The following PURG variants were observed in gnomAD, a reference collection of about 807,000 sequenced individuals.
PURG encodes the protein purine-rich element-binding protein gamma.
Under a neutral mutation model 24.3 loss-of-function variants are expected in PURG, and 3 were observed. The observed-to-expected ratio is 0.12, with a 90% CI of 0.06 to 0.32. PURG has a LOEUF of 0.32. Among genes scored for constraint, PURG ranks in the 10% least tolerant of loss-of-function variants. The pLI, the probability that PURG is intolerant of heterozygous loss-of-function variation, is 1.00. For synonymous variants in PURG, 180 were observed against 173.1 expected (o/e 1.04, Z -0.31); for missense variants, 371 against 439.1 (o/e 0.84, Z 1.39).
chr8:31,028,432 C>T (rs1197552433), downstream of PURG, among the ~76,000 whole-genome samples: 2 of 151,814 alleles, frequency 1.3e-5, no homozygotes, highest in Non-Finnish European at 3.0e-5. Context: ...CTTCTATATA[C>T]AAAAGGTAAA....
At chr8:31,017,824 GA>G (rs1211210825) in intron 1 of PURG, among the ~76,000 whole-genome samples, 1 of 152,120 alleles carries the variant, frequency 6.6e-6, no homozygotes, top group Non-Finnish European at 1.5e-5. Context: ...AGCAGTGCAA[GA>G]AAAAATGGAG....
rs1411808131 is a variant in PURG at position 31,032,911 on chromosome 8, C to T, written c.-6-123G>A. On this transcript the variant is annotated intron_variant, in intron 1 of 1. Transcript: ENST00000523392. The surrounding 1 kb of genome is among the most constrained non-coding windows in gnomAD (Gnocchi z 5.9). Reference sequence around the variant, plus strand: ...ACCCCCACGCCGGGCCCGGCTCCCCCGGCGCCGCAGCGCGGGGCTCCAGCC... The same window carrying T: ...ACCCCCACGCCGGGCCCGGCTCCCCTGGCGCCGCAGCGCGGGGCTCCAGCC... 32 of 692,714 alleles carry T rather than the reference C, an allele frequency of 4.6e-5. No homozygotes were observed. In the East Asian group the frequency reaches 5.5e-4, roughly 12 times the overall value. The allele number at this position is 692,714 out of a possible 1,614,324, so 42.9% of individuals were successfully genotyped here.
At position 31,031,757 on chromosome 8, in the gene PURG, T is replaced by C; in HGVS notation, c.1026A>G (p.Glu342=). The part of the protein sequence containing the change: ...RMDGRKASGE[E]QECLD The stretch of plus-strand genomic sequence containing the variant: ...TTTCACTCTAGTCGAGGCATTCTTG[T>C]TCTTCACCACTGGCCTTTCTGCCAT... Residue 342 remains glutamate (E), a synonymous_variant, in exon 2 of 2, where the codon GAA becomes GAG. Transcript: ENST00000523392. The C allele has an allele frequency of 6.5e-7, 1 of 1,550,156 alleles. No homozygotes were observed. Among genetic ancestry groups the C allele is most frequent in the East Asian group, 2.4e-5 (1 of 40,918 alleles).
chr8:31,009,825 G>A (rs180843369), intron 1 of PURG, among the ~76,000 whole-genome samples: 315 of 152,264 alleles, frequency 2.1e-3, no homozygotes, highest in African/African-American at 7.3e-3. Context: ...CTTTCAAACA[G>A]GTTTCTGAAA....
At chr8:31,002,442 A>G (rs955305148) in intron 1 of PURG, among the ~76,000 whole-genome samples, 1 of 151,784 alleles carries the variant, frequency 6.6e-6, no homozygotes, top group Non-Finnish European at 1.5e-5. Context: ...TTAAACCACC[A>G]TTACTCCTTC....
At chr8:31,022,069 C>T (rs1811006015) in intron 1 of PURG, among the ~76,000 whole-genome samples, 2 of 151,286 alleles carry the variant, frequency 1.3e-5, no homozygotes, top group South Asian at 4.2e-4. Context: ...CTCCTAGGTT[C>T]AAGCGATTCT....
At chr8:31,021,159 G>A (rs1160994491) in intron 1 of PURG, among the ~76,000 whole-genome samples, 1 of 152,194 alleles carries the variant, frequency 6.6e-6, no homozygotes. Context: ...AGGAAAAGTT[G>A]TGAGACATCA....
intron 1 of PURG, among the ~76,000 whole-genome samples, chr8:31,015,207 T>C (rs1810837392): frequency 6.6e-6 from 1 of 152,118 alleles, no homozygotes; most frequent in South Asian, 2.1e-4. Context: ...GCTTTTCAGT[T>C]TTGCAGGACA....
chr8:31,005,771 C>CTT lies in PURG; in HGVS notation c.865-9076_865-9075dup, dbSNP rs67428647. On this transcript the variant is annotated intron_variant, in intron 1 of 1. Coordinates refer to the PURG transcript ENST00000339382. Reference sequence around the variant, plus strand: ...AAATTGCTTAGCATTTTTCTTTTTTCTTTTTTTTTTTTTTCATTTCAAAAC... The same window carrying CTT: ...AAATTGCTTAGCATTTTTCTTTTTTCTTTTTTTTTTTTTTTTCATTTCAAAAC... 2.8e-3 allele frequency among the ~76,000 whole-genome samples: 404 copies of CTT among 142,104 alleles called. 4 individuals are homozygous for CTT. The highest frequency in any genetic ancestry group is 7.5e-3 in the African/African-American group (285 of 38,126). 93.2% of individuals were successfully genotyped at this position (142,104 alleles called of 152,430 possible). A position where few individuals can be genotyped will look rare whatever the true frequency, so the allele number is the denominator to read the frequency against.
chr8:31,002,783 C>T lies in PURG; in HGVS notation c.865-6086G>A, dbSNP rs561715706. 9.2e-5 allele frequency among the ~76,000 whole-genome samples: 14 copies of T among 152,274 alleles called. No individual in the cohort carries two copies. In the South Asian group the frequency reaches 2.1e-3, roughly 23 times the overall value. ...ACAGGCGTGAGCCACCGTGCCCGGC[C>T]GAGATCTCTTTTATCTTTCTAACAT... is the stretch of plus-strand genomic sequence containing the variant. On this transcript the variant is annotated intron_variant, in intron 1 of 1. Coordinates refer to the PURG transcript ENST00000339382.
chr8:31,014,140 G>A (rs7827210), intron 1 of PURG, among the ~76,000 whole-genome samples: 47,476 of 151,972 alleles, frequency 0.31, 8,650 homozygotes, highest in South Asian at 0.49. Flanking sequence ...TATTTAAAAT[G>A]GTTCAATACA....
At chr8:31,014,666 C>T (rs1036169742) in intron 1 of PURG, among the ~76,000 whole-genome samples, 3 of 152,194 alleles carry the variant, frequency 2.0e-5, no homozygotes, top group Non-Finnish European at 4.4e-5. Flanking sequence ...TTAGTAAACA[C>T]TAATTTGTCA....
intron 1 of PURG, among the ~76,000 whole-genome samples, chr8:31,011,286 G>A (rs1187609833): frequency 2.6e-5 from 4 of 152,062 alleles, no homozygotes; most frequent in East Asian, 1.9e-4. Context: ...AGAAATCATC[G>A]CAGTCTTTTA....
intron 1 of PURG, among the ~76,000 whole-genome samples, chr8:31,001,651 T>A (rs1229068364): frequency 6.6e-6 from 1 of 152,168 alleles, no homozygotes; most frequent in African/African-American, 2.4e-5. Flanking sequence ...ATTTAATGAA[T>A]GAATGAGAAA....
chr8:31,022,881 T>G (rs564028576), intron 1 of PURG, among the ~76,000 whole-genome samples: 53 of 152,330 alleles, frequency 3.5e-4, no homozygotes, highest in Middle Eastern at 3.4e-3. Context: ...TGTTGTGAAT[T>G]TGGGTGTCTG....
At chr8:31,011,342 C>A (rs1427197646) in intron 1 of PURG, among the ~76,000 whole-genome samples, 1 of 152,140 alleles carries the variant, frequency 6.6e-6, no homozygotes, top group African/African-American at 2.4e-5. Flanking sequence ...ACCTAGGACT[C>A]AGGTAGTCAT....
chr8:31,032,311 G>A lies in PURG; in HGVS notation c.472C>T (p.Pro158Ser), dbSNP rs1162665654. The A allele has an allele frequency of 1.9e-6, 3 of 1,612,724 alleles. No individual in the cohort carries two copies. Among genetic ancestry groups the A allele is most frequent in the Non-Finnish European group, 2.5e-6 (3 of 1,180,020 alleles). ...TGCTCTTCGGACCCCACCGAGACTG[G>A]TGGGGAGGGTGCCGAGTGCTTCTGC... ...RRQKHSAPSP[P>S]VSVGSEEHPH... Residue 158 changes from proline to serine, a missense_variant, in exon 2 of 2, where the codon CCA (proline) becomes TCA (serine). Around this residue, in one of 5 missense-constraint regions of PURG, gnomAD observed 213 missense variants for 230.6 expected, o/e 0.92. Transcript: ENST00000523392. The surrounding 1 kb of genome is among the most constrained non-coding windows in gnomAD (Gnocchi z 5.9).
chr8:31,012,862 T>C (rs1810790115), intron 1 of PURG, among the ~76,000 whole-genome samples: 1 of 152,294 alleles, frequency 6.6e-6, no homozygotes, highest in Non-Finnish European at 1.5e-5. Flanking sequence ...ATGATTGAAA[T>C]AGTAGTCCAA....
exon 2 of PURG, chr8:30,996,431 T>C (rs1256405634): frequency 8.0e-6 from 4 of 497,756 alleles, no homozygotes; most frequent in Non-Finnish European, 1.4e-5. Context: ...TGGAAATTAT[T>C]CAACATAAGA....
Sources: gnomAD v4.1 joint callset for allele counts (sites outside exome capture counted in the v4.1 genomes callset) on GRCh38, gnomAD v4.1.1 for gene constraint, gnomAD v4.1.1 regional missense constraint, Gnocchi (gnomAD v3.1) non-coding constraint, MANE v1.5 for transcripts, NCBI Gene and HGNC (gene_info 2026-07-23, HGNC 2026-07-21) for gene names.